FAM20C: variants seen among roughly 807,000 people sequenced by gnomAD.
The protein encoded by FAM20C is FAM20C golgi associated secretory pathway kinase.
FAM20C carries 40 observed loss-of-function variants against 51.5 expected under a neutral mutation model. That is an observed-to-expected ratio of 0.78 (90% CI 0.60 to 1.01). The LOEUF (loss-of-function observed/expected upper bound fraction) is 1.01. FAM20C is among the 50% of genes least tolerant of loss of function. The pLI is 0.00. For synonymous variants in FAM20C, 406 were observed against 380.6 expected, an observed-to-expected ratio of 1.07 and a Z score of -0.78; for missense variants, 861 against 844.7, an observed-to-expected ratio of 1.02 and a Z score of -0.24.
intron 3 of FAM20C, among the ~76,000 whole-genome samples, chr7:233,581 T>C (rs1481803425): frequency 2.0e-5 from 3 of 152,158 alleles, no homozygotes; most frequent in Non-Finnish European, 4.4e-5. Flanking sequence ...TTCCGGCTCC[T>C]GGAGGCGCCT....
chr7:252,904 ACGTCCCAGAGGTGCACAGGTCATC>A (rs1438799331), intron 5 of FAM20C, among the ~76,000 whole-genome samples: 1 of 152,212 alleles, frequency 6.6e-6, no homozygotes, highest in Non-Finnish European at 1.5e-5. Context: ...CACGTTGCAA[ACGTCCCAGAGGTGCACAGGTCATC>A]CGTGCACAGC....
chr7:245,187 G>C (rs150550222), intron 3 of FAM20C, among the ~76,000 whole-genome samples: 1,800 of 152,368 alleles, frequency 0.012, 35 homozygotes, highest in African/African-American at 0.04. Context: ...GAAAGTGACC[G>C]GGGCGGCGTC....
In FAM20C at chr7:193,563, CG is replaced by C; in HGVS notation, c.369del (p.Arg124GlyfsTer6). 6.7e-7 allele frequency: 1 copy of C among 1,497,296 alleles called. No homozygotes were observed. Among genetic ancestry groups the C allele is most frequent in the Non-Finnish European group, 8.9e-7 (1 of 1,121,268 alleles). The allele number at this position is 1,497,296 out of a possible 1,614,324, so 92.8% of individuals were successfully genotyped here. ...PAAEPAERAL[R>X]GRDPGALRPH... ...GGCCGAGCCGGCCGAGCGCGCCTTGCGGGGGCGGGATCCCGGCGCCCTAAGA... is the reference window on the plus strand; with the variant it reads ...GGCCGAGCCGGCCGAGCGCGCCTTGCGGGGCGGGATCCCGGCGCCCTAAGA... On this transcript the variant is annotated frameshift_variant, in exon 1 of 10. Transcript: ENST00000313766. LOFTEE classifies it high-confidence loss of function.
At chr7:258,165 GTGGACCCACTGCCTGAGGT>G (rs1788697520) in intron 8 of FAM20C, among the ~76,000 whole-genome samples, 8 of 120,444 alleles carry the variant, frequency 6.6e-5, no homozygotes, top group African/African-American at 2.3e-4. Flanking sequence ...GATAGGCAGG[GTGGACCCACTGCCTGAGGT>G]GCTGGAGATA....
chr7:232,475 T>G (rs1284599297), intron 3 of FAM20C, among the ~76,000 whole-genome samples: 1 of 152,078 alleles, frequency 6.6e-6, no homozygotes, highest in Non-Finnish European at 1.5e-5. Flanking sequence ...GAGCAGGGGG[T>G]CCCGAAGGTT....
intron 5 of FAM20C, among the ~76,000 whole-genome samples, chr7:255,610 G>A (rs1788559986): frequency 1.3e-5 from 2 of 152,098 alleles, no homozygotes; most frequent in African/African-American, 2.4e-5. Context: ...CCTGATTTTC[G>A]AGGGTTCAGG....
At chr7:217,089 G>A (rs753326382) in intron 3 of FAM20C, among the ~76,000 whole-genome samples, 6 of 152,142 alleles carry the variant, frequency 3.9e-5, no homozygotes, top group Admixed American at 6.5e-5. Context: ...CTCCTCTACC[G>A]AGCGAAGGGG....
At chr7:246,635 C>T (rs1013297641) in intron 4 of FAM20C, 128 bp downstream of exon 4, 4 of 408,686 alleles carry the variant, frequency 9.8e-6, no homozygotes, top group Non-Finnish European at 1.7e-5. Context: ...AGCGCCGGTG[C>T]CTGCTCTCCC....
intron 2 of FAM20C, among the ~76,000 whole-genome samples, chr7:205,639 C>A (rs1467469194): frequency 1.3e-5 from 2 of 152,164 alleles, no homozygotes; most frequent in Non-Finnish European, 2.9e-5. Flanking sequence ...CGTCGGAGCC[C>A]GTCGACGGTT....
chr7:232,237 C>G lies in FAM20C; in HGVS notation c.864-14178C>G, dbSNP rs187362950. On this transcript the variant is annotated intron_variant, in intron 3 of 9. Transcript: ENST00000313766. Reference sequence around the variant, plus strand: ...CGGGGGACACCCCACTCCCCATCCACCTGGAGAGGGTGGGAGTCGGTGGCC... The same window carrying G: ...CGGGGGACACCCCACTCCCCATCCAGCTGGAGAGGGTGGGAGTCGGTGGCC... 5.2e-3 allele frequency among the ~76,000 whole-genome samples: 799 copies of G among 152,364 alleles called. 8 individuals carry two copies. The highest frequency in any genetic ancestry group is 0.02 in the Middle Eastern group (6 of 294).
In FAM20C at chr7:222,096, C is replaced by T. The variant is rs1397940152; in HGVS notation, c.863+13120C>T. ...GGGCTGCAGGAGCCGTTCTTAGCATCTGGGCACCCGGGAGGGAGGGGCCTG... is the reference window on the plus strand; with the variant it reads ...GGGCTGCAGGAGCCGTTCTTAGCATTTGGGCACCCGGGAGGGAGGGGCCTG... On this transcript the variant is annotated intron_variant, in intron 3 of 9. Transcript: ENST00000313766. 1.4e-5 allele frequency among the ~76,000 whole-genome samples: 2 copies of T among 143,100 alleles called. 1 individual carries two copies. The highest frequency in any genetic ancestry group is 5.9e-5 in the African/African-American group (2 of 33,696). 93.9% of individuals were successfully genotyped at this position (143,100 alleles called of 152,430 possible).
At chr7:209,583 G>A (rs537100057) in intron 3 of FAM20C, among the ~76,000 whole-genome samples, 14 of 152,308 alleles carry the variant, frequency 9.2e-5, no homozygotes, top group East Asian at 1.9e-4. Flanking sequence ...ATAACACAGC[G>A]CTCCGTGGCA....
chr7:193,169 G>C lies in FAM20C; in HGVS notation c.-31G>C. 1 of 1,431,742 alleles carries C rather than the reference G, an allele frequency of 7.0e-7. No individual in the cohort carries two copies. The highest frequency in any genetic ancestry group is 3.2e-5 in the East Asian group (1 of 31,610). 88.7% of individuals were successfully genotyped at this position (1,431,742 alleles called of 1,614,324 possible). A position where few individuals can be genotyped will look rare whatever the true frequency, so the allele number is the denominator to read the frequency against. Reference sequence around the variant, plus strand: ...AGCTAGAGGGGCGCGCGGGCAGAACGCGCTCCAGGCCCGGGCCGGCCCGCG... The same window carrying C: ...AGCTAGAGGGGCGCGCGGGCAGAACCCGCTCCAGGCCCGGGCCGGCCCGCG... On this transcript the variant is annotated 5_prime_UTR_variant, in exon 1 of 10. Transcript: ENST00000313766.
chr7:215,149 G>A (rs933180758), intron 3 of FAM20C, among the ~76,000 whole-genome samples: 4 of 151,764 alleles, frequency 2.6e-5, no homozygotes, highest in South Asian at 2.1e-4. Context: ...TGGGAGTTAT[G>A]TACAGAGTGA....
At chr7:237,333 C>T (rs1376236918) in intron 3 of FAM20C, among the ~76,000 whole-genome samples, 1 of 152,182 alleles carries the variant, frequency 6.6e-6, no homozygotes, top group African/African-American at 2.4e-5. Flanking sequence ...GCCGAATCAT[C>T]GGCAGATAGA....
chr7:205,980 G>A (rs1786360745), intron 2 of FAM20C, among the ~76,000 whole-genome samples: 1 of 151,986 alleles, frequency 6.6e-6, no homozygotes, highest in African/African-American at 2.4e-5. Context: ...CCATCTGCAG[G>A]CAGCTCCCCC....
chr7:258,183 G>GA (rs1562401579), intron 8 of FAM20C, among the ~76,000 whole-genome samples: 2 of 118,084 alleles, frequency 1.7e-5, no homozygotes, highest in East Asian at 2.4e-4. Context: ...ACTGCCTGAG[G>GA]TGCTGGAGAT....
intron 2 of FAM20C, among the ~76,000 whole-genome samples, chr7:196,304 T>G (rs1440608027): frequency 1.3e-5 from 2 of 152,226 alleles, no homozygotes; most frequent in East Asian, 3.9e-4. Flanking sequence ...CATCTCCAGG[T>G]ACTTTGGGAT....
chr7:240,403 A>AGT (rs1787903638), intron 3 of FAM20C, among the ~76,000 whole-genome samples: 16 of 1,474 alleles, frequency 0.011, no homozygotes, highest in African/African-American at 0.022. Context: ...AATAGTGATA[A>AGT]TGATGATGAT....
Sources: gnomAD v4.1 joint callset for allele counts (sites outside exome capture counted in the v4.1 genomes callset) on GRCh38, gnomAD v4.1.1 for gene constraint, MANE v1.5 for transcripts, NCBI Gene and HGNC (gene_info 2026-07-23, HGNC 2026-07-21) for gene names.